Variants in OR1L6 observed in about 807,000 individuals in gnomAD.
OR1L6 encodes the protein olfactory receptor 1L6.
Under a neutral mutation model 3.0 loss-of-function variants are expected in OR1L6, and 2 were observed. The ratio of observed to expected loss-of-function variants is 0.68; its 90% confidence interval spans 0.28 to 2.13. The LOEUF (loss-of-function observed/expected upper bound fraction) is 2.13. Ranked by LOEUF, OR1L6 falls within the 30% of genes most tolerant of loss-of-function variation. OR1L6 has a pLI of 0.14. For synonymous variants in OR1L6, 121 were observed against 148.4 expected (o/e 0.82, Z 1.34); for missense variants, 304 against 378.4 (o/e 0.80, Z 1.63).
intron 1 of OR1L6, among the ~76,000 whole-genome samples, chr9:122,745,104 A>C (rs1181017520): frequency 6.6e-6 from 1 of 152,250 alleles, no homozygotes; most frequent in Non-Finnish European, 1.5e-5. Context: ...TATGTGTCTC[A>C]TGTTGCTAAT....
In OR1L6 at chr9:122,750,685, A is replaced by C; in HGVS notation, c.838A>C (p.Thr280Pro). The C allele has an allele frequency of 6.2e-7, 1 of 1,613,938 alleles. No individual in the cohort carries two copies. The highest frequency in any genetic ancestry group is 8.5e-7 in the Non-Finnish European group (1 of 1,180,024). ...VRDRVATVMY[T>P]VVTPMLNPFI... ...GGACCGGGTAGCCACAGTTATGTAC[A>C]CAGTAGTGACACCCATGCTGAACCC... is the stretch of plus-strand genomic sequence containing the variant. The change falls in exon 2 of 2, where the codon ACA becomes CCA. Residue 280 changes from threonine to proline, a missense_variant. Thr to Pro is a conservative substitution (Grantham distance 38). Transcript: ENST00000304720.
chr9:122,748,160 G>C (rs1828854429), intron 1 of OR1L6, among the ~76,000 whole-genome samples: 1 of 152,040 alleles, frequency 6.6e-6, no homozygotes, highest in Admixed American at 6.6e-5. Context: ...AAACAGAAAG[G>C]TTTAAACAGG....
At chr9:122,749,523 C>G (rs151132252) in intron 1 of OR1L6, among the ~76,000 whole-genome samples, 1 of 152,176 alleles carries the variant, frequency 6.6e-6, no homozygotes, top group South Asian at 2.1e-4. Flanking sequence ...AACTGTAACA[C>G]AGTGAAACCC....
intron 1 of OR1L6, among the ~76,000 whole-genome samples, chr9:122,743,258 A>C (rs1195864422): frequency 1.3e-5 from 2 of 152,190 alleles, no homozygotes; most frequent in Non-Finnish European, 2.9e-5. Flanking sequence ...AGGAGAAGAA[A>C]GACAGAAACA....
intron 1 of OR1L6, among the ~76,000 whole-genome samples, chr9:122,746,520 T>G (rs1195961046): frequency 6.6e-6 from 1 of 152,248 alleles, no homozygotes; most frequent in Non-Finnish European, 1.5e-5. Context: ...TTGTTTGTTA[T>G]GTTGTATTAT....
rs1435327330 is a variant in OR1L6 at position 122,750,628 on chromosome 9, T to C, written c.781T>C (p.Phe261Leu). Residue 261 changes from phenylalanine to leucine, a missense_variant, in exon 2 of 2, where the codon TTT (phenylalanine) becomes CTT (leucine). By Grantham distance (22) the Phe-to-Leu change is conservative. Transcript: ENST00000304720. ...LFYGSIIYVY[F>L]RPLSMYSVVR... ...CTATGGGAGTATTATTTATGTCTAT[T>C]TTAGGCCCCTGTCCATGTACTCAGT... is the stretch of plus-strand genomic sequence containing the variant. The C allele has an allele frequency of 1.9e-6, 3 of 1,614,200 alleles. No individual in the cohort carries two copies. The highest frequency in any genetic ancestry group is 2.5e-6 in the Non-Finnish European group (3 of 1,180,034).
intron 1 of OR1L6, among the ~76,000 whole-genome samples, chr9:122,742,885 G>A (rs1828803870): frequency 6.6e-6 from 1 of 152,236 alleles, no homozygotes; most frequent in South Asian, 2.1e-4. Context: ...TGATGTGGAA[G>A]AATTTCCTAA....
In OR1L6 at chr9:122,750,547, G is replaced by A. The variant is rs28670025; in HGVS notation, c.700G>A (p.Gly234Arg). The A allele has an allele frequency of 0.95, 1,515,704 of 1,592,024 alleles. 723,678 individuals carry two copies. The highest frequency in any genetic ancestry group is 1 in the East Asian group (44,668 of 44,682). The change falls in exon 2 of 2, where the codon GGG (glycine) becomes AGG (arginine). Residue 234 changes from glycine to arginine, a missense_variant. Physicochemically the swap from Gly to Arg is moderately radical, Grantham distance 125. This residue lies in a region of OR1L6 where 21 missense variants were observed against 47.9 expected (regional missense o/e 0.44). Coordinates refer to ENST00000304720, the MANE Select transcript of OR1L6 (RefSeq NM_001004453.3). ...VTVLRIPSAA[G>R]KWKAFSTCGS... ...TGTGCTCAGAATCCCCTCTGCAGCC[G>A]GGAAGTGGAAGGCCTTCTCTACCTG...
chr9:122,748,898 G>C (rs530896656), intron 1 of OR1L6, among the ~76,000 whole-genome samples: 1 of 152,074 alleles, frequency 6.6e-6, no homozygotes, highest in East Asian at 1.9e-4. Flanking sequence ...CAAATGACAC[G>C]ATTTCATTAT....
chr9:122,746,423 A>G (rs1267029079), intron 1 of OR1L6, among the ~76,000 whole-genome samples: 1 of 152,190 alleles, frequency 6.6e-6, no homozygotes, highest in Non-Finnish European at 1.5e-5. Flanking sequence ...TTCTTTAGAG[A>G]CTGCATGACG....
chr9:122,742,517 C>G (rs1241915696), intron 1 of OR1L6, 144 bp downstream of exon 1: 1 of 152,240 alleles, frequency 6.6e-6, no homozygotes, highest in Non-Finnish European at 1.5e-5. Context: ...TTTCCTCTCT[C>G]TCTTTTTGGT....
rs768297795 is a variant in OR1L6 at position 122,746,908 on chromosome 9, T to C, written c.-13-2927T>C. Among the ~76,000 whole-genome samples, 12 of 152,306 alleles carry C rather than the reference T, an allele frequency of 7.9e-5. No individual in the cohort carries two copies. The South Asian group carries it at 2.1e-3, about 26-fold the overall frequency. On this transcript the variant is annotated intron_variant, in intron 1 of 1. Coordinates refer to ENST00000304720, the MANE Select transcript of OR1L6 (RefSeq NM_001004453.3). ...TTCTATTTTAGCTTTGCCTATGATC[T>C]CTTTTGGTATAATTTTCAAATTTTT...
chr9:122,749,833 AG>A lies in OR1L6; in HGVS notation c.-13del. 1.2e-6 allele frequency: 2 copies of A among 1,613,942 alleles called. No homozygotes were observed. Among genetic ancestry groups the A allele is most frequent in the Non-Finnish European group, 1.7e-6 (2 of 1,179,748 alleles). ...CCCACTGCTTCTCCAAACCCTATCCAGGAAGTCCAGAGACATGGAGATAAAG... is the reference window on the plus strand; with the variant it reads ...CCCACTGCTTCTCCAAACCCTATCCAGAAGTCCAGAGACATGGAGATAAAG... On this transcript the variant is annotated splice_acceptor_variant, in intron 1 of 1. Coordinates refer to ENST00000304720, the MANE Select transcript of OR1L6 (RefSeq NM_001004453.3). LOFTEE classifies it low-confidence loss of function (5UTR_SPLICE).
chr9:122,743,463 A>G (rs2118906130), intron 1 of OR1L6, among the ~76,000 whole-genome samples: 1 of 152,360 alleles, frequency 6.6e-6, no homozygotes, highest in Non-Finnish European at 1.5e-5. Context: ...AAGACATTTC[A>G]GAGAACTGAA....
intron 1 of OR1L6, among the ~76,000 whole-genome samples, chr9:122,744,400 A>T (rs150098283): frequency 1.4e-4 from 21 of 146,352 alleles, no homozygotes; most frequent in African/African-American, 3.9e-4. Flanking sequence ...ATTTGGGCTG[A>T]CAATGTGTAC....
rs1451049531 is a variant in OR1L6 at position 122,750,737 on chromosome 9, A to C, written c.890A>C (p.Asp297Ala). 1.2e-6 allele frequency: 2 copies of C among 1,612,004 alleles called. No homozygotes were observed. The highest frequency in any genetic ancestry group is 2.7e-5 in the African/African-American group (2 of 74,856). The change falls in exon 2 of 2, where the codon GAT becomes GCT. Residue 297 changes from aspartate (D) to alanine (A), a missense_variant. By Grantham distance (126) the Asp-to-Ala change is moderately radical. Transcript: ENST00000304720. ...NPFIYSLRNK[D>A]MKRGLKKLQD... ...TTCATCTACAGCCTGAGGAACAAAG[A>C]TATGAAGAGGGGTTTGAAGAAATTA...
Position 122,749,991 on chromosome 9 carries a change from G to C in OR1L6, c.144G>C (p.Pro48=). The change falls in exon 2 of 2, where the codon CCG becomes CCC. Residue 48 remains proline, a synonymous_variant. Coordinates refer to ENST00000304720, the MANE Select transcript of OR1L6 (RefSeq NM_001004453.3). ...LAAVGNVLII[P]AIYSDPRLHT... Reference sequence around the variant, plus strand: ...CGGTGGGGAATGTGCTCATCATCCCGGCCATCTACTCTGACCCCAGGCTCC... The same window carrying C: ...CGGTGGGGAATGTGCTCATCATCCCCGCCATCTACTCTGACCCCAGGCTCC... 6.2e-7 allele frequency: 1 copy of C among 1,614,014 alleles called. No individual in the cohort carries two copies.
rs116267487 is a variant in OR1L6, at chr9:122,746,881, G to A, written c.-13-2954G>A. Reference sequence around the variant, plus strand: ...TGCAAATATTTTCATTGAGTCAATAGTTTCTATTTTAGCTTTGCCTATGAT... The same window carrying A: ...TGCAAATATTTTCATTGAGTCAATAATTTCTATTTTAGCTTTGCCTATGAT... On this transcript the variant is annotated intron_variant, in intron 1 of 1. Transcript: ENST00000304720. 4.3e-3 allele frequency among the ~76,000 whole-genome samples: 655 copies of A among 152,204 alleles called. 4 individuals are homozygous for A. Among genetic ancestry groups the A allele is most frequent in the African/African-American group, 0.015 (632 of 41,560 alleles).
At chr9:122,742,674 G>A (rs915942971) in intron 1 of OR1L6, among the ~76,000 whole-genome samples, 9 of 152,182 alleles carry the variant, frequency 5.9e-5, no homozygotes, top group African/African-American at 1.9e-4. Flanking sequence ...AACAAGATAG[G>A]GCAATGCAGA....
Sources: gnomAD v4.1 joint callset for allele counts (sites outside exome capture counted in the v4.1 genomes callset) on GRCh38, gnomAD v4.1.1 for gene constraint, gnomAD v4.1.1 regional missense constraint, MANE v1.5 for transcripts, NCBI Gene and HGNC (gene_info 2026-07-23, HGNC 2026-07-21) for gene names.